The following OLFML1 variants were observed in gnomAD, a reference collection of about 807,000 sequenced individuals.
OLFML1 encodes olfactomedin-like protein 1.
OLFML1 carries 33 observed loss-of-function variants against 37.3 expected under a neutral mutation model. The observed-to-expected ratio is 0.88, with a 90% CI of 0.67 to 1.18. The LOEUF is 1.18. Among genes scored for constraint, OLFML1 ranks in the 50% most tolerant of loss-of-function variants. OLFML1 has a pLI of 0.00. For synonymous variants in OLFML1, 186 were observed against 181.3 expected (o/e 1.03, Z -0.21); for missense variants, 545 against 483.7 (o/e 1.13, Z -1.19).
At chr11:7,486,170 T>C (rs992084976) in intron 1 of OLFML1, among the ~76,000 whole-genome samples, 166 bp downstream of exon 1, 1 of 152,220 alleles carries the variant, frequency 6.6e-6, no homozygotes, top group African/African-American at 2.4e-5. Flanking sequence ...AGAGCCGAAC[T>C]CCAGAGTCCA....
In OLFML1 at chr11:7,485,600, G is replaced by A. The variant is rs1564918083; in HGVS notation, c.-276G>A. The A allele has an allele frequency of 2.6e-6, 1 of 390,682 alleles. No homozygotes were observed. Among genetic ancestry groups the A allele is most frequent in the South Asian group, 4.5e-5 (1 of 22,066 alleles). The allele number at this position is 390,682 out of a possible 1,614,324, so 24.2% of individuals were successfully genotyped here. On this transcript the variant is annotated 5_prime_UTR_variant, in exon 1 of 3. Transcript: ENST00000329293. Reference sequence around the variant, plus strand: ...GGGTCCGCATGTGTCAAGGGTGAGGGCAACAGATGCTGGACCCAGGGAGCT... The same window carrying A: ...GGGTCCGCATGTGTCAAGGGTGAGGACAACAGATGCTGGACCCAGGGAGCT...
chr11:7,504,492 G>A (rs1285126818), intron 2 of OLFML1, among the ~76,000 whole-genome samples: 2 of 152,048 alleles, frequency 1.3e-5, no homozygotes, highest in Admixed American at 6.6e-5. Context: ...TTAAAAGCAC[G>A]CCTTTGGCTG....
intron 2 of OLFML1, among the ~76,000 whole-genome samples, chr11:7,507,899 A>C (rs1208865888): frequency 1.3e-5 from 2 of 152,152 alleles, no homozygotes. Flanking sequence ...TCTGCTGTTG[A>C]CCAGAAGACT....
chr11:7,510,189 T>C lies in OLFML1; in HGVS notation c.*1T>C. On this transcript the variant is annotated 3_prime_UTR_variant, in exon 3 of 3. Transcript: ENST00000329293. Reference sequence around the variant, plus strand: ...AAAGAGAAAGCTGCCTCTGAAGTAATGCATTACAGCTGTGAGAAAGAGCAC... The same window carrying C: ...AAAGAGAAAGCTGCCTCTGAAGTAACGCATTACAGCTGTGAGAAAGAGCAC... 4.4e-6 allele frequency: 7 copies of C among 1,600,978 alleles called. No individual in the cohort carries two copies. The highest frequency in any genetic ancestry group is 5.9e-6 in the Non-Finnish European group (7 of 1,178,010).
rs999321496 is a variant in OLFML1 at position 7,485,714 on chromosome 11, C to T, written c.-162C>T. On this transcript the variant is annotated 5_prime_UTR_variant, in exon 1 of 3. Transcript: ENST00000329293. ...TAGCTGGCAAACTGAGCTCACGTATCGGGTGGAATAACAAGCGGACTTTGC... is the reference window on the plus strand; with the variant it reads ...TAGCTGGCAAACTGAGCTCACGTATTGGGTGGAATAACAAGCGGACTTTGC... 8 of 720,416 alleles carry T rather than the reference C, an allele frequency of 1.1e-5. No individual in the cohort carries two copies. Among genetic ancestry groups the T allele is most frequent in the South Asian group, 7.3e-5 (4 of 55,022 alleles). The allele number at this position is 720,416 out of a possible 1,614,324, so 44.6% of individuals were successfully genotyped here. A position where few individuals can be genotyped will look rare whatever the true frequency, so the allele number is the denominator to read the frequency against.
intron 2 of OLFML1, among the ~76,000 whole-genome samples, chr11:7,498,012 G>A (rs1848683118): frequency 6.6e-6 from 1 of 152,146 alleles, no homozygotes; most frequent in Admixed American, 6.6e-5. Context: ...AGTATGAATT[G>A]GGATAGCAAG....
At chr11:7,507,316 C>T (rs967273835) in intron 2 of OLFML1, among the ~76,000 whole-genome samples, 5 of 96,834 alleles carry the variant, frequency 5.2e-5, no homozygotes, top group African/African-American at 1.5e-4. Flanking sequence ...TTTGGTCTCA[C>T]TCTAAGTGTC....
intron 2 of OLFML1, chr11:7,504,675 G>A (rs560447651): frequency 1.7e-4 from 26 of 152,298 alleles, no homozygotes; most frequent in African/African-American, 6.3e-4. Context: ...GCAGGGAGAT[G>A]AGAAAGTGTG....
rs980675771 is a variant in OLFML1 at position 7,504,118 on chromosome 11, T to C, written c.419-5280T>C. 2.6e-5 allele frequency among the ~76,000 whole-genome samples: 4 copies of C among 151,996 alleles called. No homozygotes were observed. The South Asian group carries it at 6.2e-4, about 24-fold the overall frequency. Reference sequence around the variant, plus strand: ...CTGGAGAAGAGGGTTGCCTTTTTTATAGGGTGACGGGAAAAGGTCTAAATG... The same window carrying C: ...CTGGAGAAGAGGGTTGCCTTTTTTACAGGGTGACGGGAAAAGGTCTAAATG... On this transcript the variant is annotated intron_variant, in intron 2 of 2. Coordinates refer to ENST00000329293, the MANE Select transcript of OLFML1 (RefSeq NM_198474.4).
At position 7,485,808 on chromosome 11, in the gene OLFML1, C is replaced by T. The variant is rs996512893; in HGVS notation, c.-68C>T. ...AGCGGATAGAGCAGGAGAGCACCAC[C>T]GGAGCCCTTGAGACATCCTTGAGAA... is the stretch of plus-strand genomic sequence containing the variant. On this transcript the variant is annotated 5_prime_UTR_variant, in exon 1 of 3. Coordinates refer to ENST00000329293, the MANE Select transcript of OLFML1 (RefSeq NM_198474.4). 18 of 1,535,116 alleles carry T rather than the reference C, an allele frequency of 1.2e-5. No homozygotes were observed. The highest frequency in any genetic ancestry group is 2.4e-4 in the Middle Eastern group (1 of 4,232).
At position 7,510,695 on chromosome 11, in the gene OLFML1, G is replaced by C. The variant is rs1308971359; in HGVS notation, c.*507G>C. The C allele has an allele frequency of 6.5e-6, 1 of 152,774 alleles. No individual in the cohort carries two copies. Among genetic ancestry groups the C allele is most frequent in the Non-Finnish European group, 1.5e-5 (1 of 68,664 alleles). 9.5% of individuals were successfully genotyped at this position (152,774 alleles called of 1,614,324 possible). ...TTTTCTTTTCTTTTTTTTGAGACAAGGTCTCACTATGTTGCCCAGGCTGGT... is the reference window on the plus strand; with the variant it reads ...TTTTCTTTTCTTTTTTTTGAGACAACGTCTCACTATGTTGCCCAGGCTGGT... On this transcript the variant is annotated 3_prime_UTR_variant, in exon 3 of 3. Transcript: ENST00000329293.
intron 2 of OLFML1, among the ~76,000 whole-genome samples, chr11:7,507,600 G>A (rs1848800919): frequency 6.6e-6 from 1 of 151,190 alleles, no homozygotes. Context: ...CCAGGCTGGA[G>A]TGCAGTGGCA....
chr11:7,507,749 A>C (rs1199346182), intron 2 of OLFML1, among the ~76,000 whole-genome samples: 1 of 152,096 alleles, frequency 6.6e-6, no homozygotes, highest in Non-Finnish European at 1.5e-5. Context: ...GGGTTTCACC[A>C]TGTTGGCTAG....
chr11:7,497,142 T>A (rs1848672822), intron 2 of OLFML1, among the ~76,000 whole-genome samples: 1 of 152,226 alleles, frequency 6.6e-6, no homozygotes, highest in Admixed American at 6.5e-5. Context: ...CCCTTTACAG[T>A]CATAAAAATT....
chr11:7,491,937 C>A (rs1242530362), intron 2 of OLFML1, among the ~76,000 whole-genome samples: 5 of 152,182 alleles, frequency 3.3e-5, no homozygotes, highest in Admixed American at 6.5e-5. Context: ...AGCCAGCCCA[C>A]CCATAATTTC....
intron 1 of OLFML1, among the ~76,000 whole-genome samples, chr11:7,486,457 G>A (rs1169984823): frequency 3.3e-5 from 5 of 151,982 alleles, no homozygotes; most frequent in Admixed American, 2.6e-4. Context: ...TTTTCGTTTT[G>A]TCTTTTATGA....
At chr11:7,489,421 G>A (rs1848568906) in intron 2 of OLFML1, among the ~76,000 whole-genome samples, 1 of 152,036 alleles carries the variant, frequency 6.6e-6, no homozygotes, top group Non-Finnish European at 1.5e-5. Flanking sequence ...AAATATGGCT[G>A]AGTGAAAGCT....
At chr11:7,495,276 G>A (rs754426481) in intron 2 of OLFML1, among the ~76,000 whole-genome samples, 4 of 152,022 alleles carry the variant, frequency 2.6e-5, no homozygotes, top group Non-Finnish European at 4.4e-5. Context: ...TCTTGCCAGA[G>A]TTACCACATC....
Position 7,509,378 on chromosome 11 carries a change from T to G in OLFML1, c.419-20T>G. ...CTCATGTTTATAAAGTAATCTCTCC[T>G]TTTTCTCCTGTTTGGCCAGGCTGTG... On this transcript the variant is annotated intron_variant, in intron 2 of 2. Transcript: ENST00000329293. The G allele has an allele frequency of 1.9e-6, 3 of 1,566,502 alleles. No individual in the cohort carries two copies. The highest frequency in any genetic ancestry group is 2.6e-6 in the Non-Finnish European group (3 of 1,156,882).
Sources: allele counts gnomAD v4.1 joint callset (sites outside exome capture counted in the v4.1 genomes callset), GRCh38; gene constraint gnomAD v4.1.1; transcripts MANE v1.5; gene names NCBI Gene and HGNC (gene_info 2026-07-23, HGNC 2026-07-21).